The following SLIT3 variants were observed in gnomAD, a reference collection of about 807,000 sequenced individuals.
The protein encoded by SLIT3 is slit homolog 3 protein.
Under a neutral mutation model 184.0 loss-of-function variants are expected in SLIT3, and 68 were observed. The observed-to-expected ratio is 0.37, with a 90% CI of 0.30 to 0.45. The LOEUF is 0.45. Ranked by LOEUF, SLIT3 falls within the 20% of genes least tolerant of loss-of-function variation. The pLI, the probability that SLIT3 is intolerant of heterozygous loss-of-function variation, is 1.00. For synonymous variants in SLIT3, 831 were observed against 828.6 expected (o/e 1.00, Z -0.05); for missense variants, 1,707 against 2,026.0 (o/e 0.84, Z 3.02).
At chr5:169,028,224 T>A (rs1340730310) in intron 4 of SLIT3, among the ~76,000 whole-genome samples, 1 of 148,430 alleles carries the variant, frequency 6.7e-6, no homozygotes, top group East Asian at 2.0e-4. Context: ...TTTCTCCAAA[T>A]GTTTGGTTAT....
intron 8 of SLIT3, among the ~76,000 whole-genome samples, 176 bp downstream of exon 8, chr5:168,817,124 C>T (rs575940950): frequency 6.6e-6 from 1 of 152,238 alleles, no homozygotes; most frequent in African/African-American, 2.4e-5. Context: ...TTTTAAAACC[C>T]TTTGAGGCAC....
At chr5:168,980,275 C>T (rs766116529) in intron 4 of SLIT3, among the ~76,000 whole-genome samples, 6 of 152,016 alleles carry the variant, frequency 3.9e-5, no homozygotes, top group South Asian at 2.1e-4. Flanking sequence ...TTCTGAGATG[C>T]GTGTAAAAGT....
chr5:168,879,674 T>C (rs1759878453), intron 5 of SLIT3, among the ~76,000 whole-genome samples: 1 of 152,186 alleles, frequency 6.6e-6, no homozygotes, highest in Non-Finnish European at 1.5e-5. Flanking sequence ...AGCAAAGTCC[T>C]TCAACCAGCA....
At chr5:169,288,979 A>T (rs1767251752) in intron 1 of SLIT3, among the ~76,000 whole-genome samples, 1 of 152,206 alleles carries the variant, frequency 6.6e-6, no homozygotes, top group African/African-American at 2.4e-5. Flanking sequence ...TTCAATTCAG[A>T]TATTGTGGGT....
chr5:168,765,144 C>T (rs1755296856), intron 14 of SLIT3, among the ~76,000 whole-genome samples: 1 of 152,156 alleles, frequency 6.6e-6, no homozygotes, highest in African/African-American at 2.4e-5. Flanking sequence ...CTCTTCAAGG[C>T]GATGAGCCTG....
intron 4 of SLIT3, among the ~76,000 whole-genome samples, chr5:168,942,249 C>G (rs1421600601): frequency 6.6e-6 from 1 of 152,164 alleles, no homozygotes; most frequent in Non-Finnish European, 1.5e-5. Flanking sequence ...AATGAAAATG[C>G]TGGGAGCCAC....
chr5:169,063,728 T>G (rs1371251342), intron 4 of SLIT3, among the ~76,000 whole-genome samples: 1 of 152,206 alleles, frequency 6.6e-6, no homozygotes, highest in East Asian at 1.9e-4. Flanking sequence ...AAATAACAAG[T>G]CAGCCACACA....
intron 5 of SLIT3, among the ~76,000 whole-genome samples, chr5:168,849,753 A>G (rs1388184682): frequency 6.6e-6 from 1 of 152,210 alleles, no homozygotes; most frequent in African/African-American, 2.4e-5. Flanking sequence ...TTTTGATGAA[A>G]TATATATATG....
chr5:168,878,070 A>C (rs926564533), intron 5 of SLIT3, among the ~76,000 whole-genome samples: 1 of 152,060 alleles, frequency 6.6e-6, no homozygotes, highest in Non-Finnish European at 1.5e-5. Flanking sequence ...TAGGCATTTC[A>C]TACTGGAGTG....
intron 4 of SLIT3, chr5:169,026,618 A>G (rs550275982): frequency 6.6e-5 from 10 of 152,372 alleles, no homozygotes; most frequent in Admixed American, 4.6e-4. Flanking sequence ...AACAACATGC[A>G]TAGCATAATC....
At chr5:168,691,010 AGGGGTGG>A (rs961785608) in intron 29 of SLIT3, among the ~76,000 whole-genome samples, 1 of 152,138 alleles carries the variant, frequency 6.6e-6, no homozygotes, top group Non-Finnish European at 1.5e-5. Flanking sequence ...CTATTCCTAA[AGGGGTGG>A]GGCTGCTTCT....
At chr5:168,889,176 A>G (rs1233078860) in intron 4 of SLIT3, among the ~76,000 whole-genome samples, 1 of 152,178 alleles carries the variant, frequency 6.6e-6, no homozygotes, top group Admixed American at 6.5e-5. Flanking sequence ...GGATTCTACA[A>G]TGTGGACTTC....
intron 1 of SLIT3, among the ~76,000 whole-genome samples, chr5:169,262,445 C>T (rs917613292): frequency 1.7e-4 from 26 of 152,036 alleles, no homozygotes; most frequent in Non-Finnish European, 1.5e-4. Flanking sequence ...GAGACGTTTC[C>T]AGGTGGAAGA....
chr5:168,980,026 A>G (rs1240272934), intron 4 of SLIT3, among the ~76,000 whole-genome samples: 1 of 152,100 alleles, frequency 6.6e-6, no homozygotes, highest in Non-Finnish European at 1.5e-5. Flanking sequence ...TCAGAACCAG[A>G]CATTGTCATC....
chr5:168,774,425 C>A, intron 12 of SLIT3, 47 bp from the exon 13 acceptor site: 4 of 1,566,464 alleles, frequency 2.6e-6, no homozygotes, highest in Non-Finnish European at 3.5e-6. Flanking sequence ...CTGGTAATTA[C>A]CTGCGGGGCA....
At chr5:168,990,566 T>C (rs2113384484) in intron 4 of SLIT3, among the ~76,000 whole-genome samples, 1 of 152,278 alleles carries the variant, frequency 6.6e-6, no homozygotes, top group Admixed American at 6.5e-5. Flanking sequence ...AACAGCATCA[T>C]TCTAAAGGGA....
chr5:169,169,346 A>G (rs1051167984), intron 4 of SLIT3, among the ~76,000 whole-genome samples: 1 of 152,198 alleles, frequency 6.6e-6, no homozygotes, highest in African/African-American at 2.4e-5. Context: ...CCATGCCTCA[A>G]CTAGAAGCTC....
At chr5:168,753,193 G>GC (rs1471417604) in intron 17 of SLIT3, 95 bp from the exon 18 acceptor site, 13 of 1,354,084 alleles carry the variant, frequency 9.6e-6, no homozygotes, top group Non-Finnish European at 1.3e-5. Flanking sequence ...TAGGTGAGAT[G>GC]CTTTTGCCAA....
chr5:169,210,667 G>A (rs1409087270), intron 3 of SLIT3, among the ~76,000 whole-genome samples: 1 of 152,170 alleles, frequency 6.6e-6, no homozygotes, highest in East Asian at 1.9e-4. Flanking sequence ...AAAGACCGTT[G>A]TGTGAGTCAA....
Sources: allele counts gnomAD v4.1 joint callset (sites outside exome capture counted in the v4.1 genomes callset), GRCh38; gene constraint gnomAD v4.1.1; transcripts MANE v1.5; gene names NCBI Gene and HGNC (gene_info 2026-07-23, HGNC 2026-07-21).